Variants in CDKL3 observed in about 807,000 individuals in gnomAD.
The protein encoded by CDKL3 is cyclin dependent kinase like 3, also known as cyclin-dependent kinase-like 3.
CDKL3 carries 65 observed loss-of-function variants against 69.3 expected under a neutral mutation model. The observed-to-expected ratio is 0.94, with a 90% CI of 0.77 to 1.15. CDKL3 has a LOEUF of 1.15. Ranked by LOEUF, CDKL3 falls within the 50% of genes most tolerant of loss-of-function variation. The probability of loss-of-function intolerance (pLI) is 0.00; values close to 1 mark genes in which losing one functional copy is unlikely to be tolerated. For missense variants in CDKL3, 652 were observed against 689.2 expected (o/e 0.95, Z 0.61); for synonymous variants, 202 against 221.6 (o/e 0.91, Z 0.79).
intron 12 of CDKL3, among the ~76,000 whole-genome samples, chr5:134,301,664 G>A (rs1448526594): frequency 6.6e-6 from 1 of 152,010 alleles, no homozygotes; most frequent in Non-Finnish European, 1.5e-5. Context: ...GGTGGATCAC[G>A]AGGTCAGGAG....
chr5:134,308,324 G>A lies in CDKL3; in HGVS notation c.1178C>T (p.Pro393Leu). 6.2e-7 allele frequency: 1 copy of A among 1,613,910 alleles called. No individual in the cohort carries two copies. The highest frequency in any genetic ancestry group is 8.5e-7 in the Non-Finnish European group (1 of 1,179,858). The change falls in exon 9 of 13, where the codon CCT becomes CTT. Residue 393 changes from proline (P) to leucine (L), a missense_variant. Pro to Leu is a moderately conservative substitution (Grantham distance 98, BLOSUM62 -3). Transcript: ENST00000265334. ...TACAAGTTTTGTATCTGGAGACATA[G>A]GATGAACATTTTCATTTGCATCCTG... ...GQQDANENVH[P>L]MSPDTKLVTI... is the part of the protein sequence containing the mutation.
At chr5:134,371,484 G>T, upstream of CDKL3, 1 of 1,376,748 alleles carries the variant, frequency 7.3e-7, no homozygotes, top group Non-Finnish European at 9.9e-7. Context: ...CGGCGGCGGC[G>T]GCGGCGGCGG....
At chr5:134,338,904 A>T (rs1383770656) in intron 4 of CDKL3, among the ~76,000 whole-genome samples, 1 of 152,200 alleles carries the variant, frequency 6.6e-6, no homozygotes, top group Non-Finnish European at 1.5e-5. Context: ...CTGTATTCCC[A>T]GAGCTTTGGT....
intron 9 of CDKL3, 103 bp from the exon 10 acceptor site, chr5:134,306,805 A>T: frequency 4.9e-6 from 3 of 616,360 alleles, no homozygotes; most frequent in Middle Eastern, 4.6e-4. Context: ...CCCAGGCTGG[A>T]GTGCAGTGTC....
intron 6 of CDKL3, among the ~76,000 whole-genome samples, chr5:134,313,967 G>A (rs564621250): frequency 7.3e-5 from 11 of 151,504 alleles, no homozygotes; most frequent in South Asian, 4.2e-4. Context: ...GAGAAACTCC[G>A]TCCCCACTAA....
chr5:134,322,413 T>C (rs568702434), intron 4 of CDKL3, among the ~76,000 whole-genome samples: 1 of 152,348 alleles, frequency 6.6e-6, no homozygotes, highest in Admixed American at 6.5e-5. Flanking sequence ...AGTACTGTTC[T>C]GGGAGTGTAA....
intron 1 of CDKL3, 106 bp downstream of exon 1, chr5:134,366,871 A>G: frequency 9.9e-7 from 1 of 1,006,422 alleles, no homozygotes; most frequent in Non-Finnish European, 1.2e-6. Context: ...TTCCTGTCAA[A>G]TAATAGGTTC....
At chr5:134,301,645 G>A (rs957337210) in intron 12 of CDKL3, among the ~76,000 whole-genome samples, 1 of 152,058 alleles carries the variant, frequency 6.6e-6, no homozygotes, top group Non-Finnish European at 1.5e-5. Context: ...ACTTTGGGAG[G>A]CCCAGGCGGG....
intron 8 of CDKL3, among the ~76,000 whole-genome samples, chr5:134,292,400 G>A (rs139452388): frequency 1.3e-5 from 2 of 151,960 alleles, no homozygotes; most frequent in Non-Finnish European, 2.9e-5. Context: ...AAAGAAAGTT[G>A]GGAAATACTT....
intron 6 of CDKL3, 62 bp downstream of exon 6, chr5:134,319,296 C>G: frequency 7.4e-7 from 1 of 1,344,822 alleles, no homozygotes; most frequent in African/African-American, 1.5e-5. Flanking sequence ...CTCCACTGCA[C>G]TACAGCCTGG....
chr5:134,296,530 G>A (rs956780808), downstream of CDKL3, among the ~76,000 whole-genome samples: 29 of 152,136 alleles, frequency 1.9e-4, no homozygotes, highest in South Asian at 4.1e-4. Flanking sequence ...GGGACTTCAA[G>A]CATTAAGATG....
intron 4 of CDKL3, among the ~76,000 whole-genome samples, chr5:134,345,089 C>T (rs891191402): frequency 6.6e-6 from 1 of 151,488 alleles, no homozygotes; most frequent in African/African-American, 2.4e-5. Context: ...AAATAAAAAT[C>T]TATAAAGATA....
upstream of CDKL3, among the ~76,000 whole-genome samples, chr5:134,369,162 G>C (rs990558664): frequency 4.6e-5 from 7 of 152,182 alleles, no homozygotes; most frequent in African/African-American, 1.7e-4. Context: ...CTACAAGTAG[G>C]TTATGGCAGG....
chr5:134,288,693 G>A (rs1764986584), intron 8 of CDKL3, among the ~76,000 whole-genome samples: 1 of 152,162 alleles, frequency 6.6e-6, no homozygotes, highest in Non-Finnish European at 1.5e-5. Flanking sequence ...GAGACCCAGT[G>A]AACTACTAAA....
chr5:134,296,952 CTTTTTTTTTTT>C (rs111349325), downstream of CDKL3, among the ~76,000 whole-genome samples: 1 of 131,302 alleles, frequency 7.6e-6, no homozygotes, highest in Non-Finnish European at 1.6e-5. Flanking sequence ...CTTTTCTTTT[CTTTTTTTTTTT>C]TTTTTTGAGA....
intron 3 of CDKL3, among the ~76,000 whole-genome samples, chr5:134,354,612 G>T (rs1423406415): frequency 6.6e-6 from 1 of 152,092 alleles, no homozygotes; most frequent in African/African-American, 2.4e-5. Flanking sequence ...AAGACCTAAG[G>T]ATATAATGTG....
chr5:134,328,280 C>T (rs540437136), intron 4 of CDKL3, among the ~76,000 whole-genome samples: 1 of 152,218 alleles, frequency 6.6e-6, no homozygotes, highest in East Asian at 1.9e-4. Context: ...AAAGGTATGA[C>T]AGTGTCACAT....
At chr5:134,319,761 A>C (rs1354071217) in intron 5 of CDKL3, among the ~76,000 whole-genome samples, 1 of 152,216 alleles carries the variant, frequency 6.6e-6, no homozygotes, top group East Asian at 1.9e-4. Flanking sequence ...AAACTATAAG[A>C]CATAATATGT....
At chr5:134,321,769 A>C (rs771650637) in intron 5 of CDKL3, 22 bp downstream of exon 5, 1 of 1,199,854 alleles carries the variant, frequency 8.3e-7, no homozygotes, top group Non-Finnish European at 1.2e-6. Flanking sequence ...CATGTAACTC[A>C]TGTTATTTCA....
Sources: allele counts gnomAD v4.1 joint callset (sites outside exome capture counted in the v4.1 genomes callset), GRCh38; gene constraint gnomAD v4.1.1; transcripts MANE v1.5; gene names NCBI Gene and HGNC (gene_info 2026-07-23, HGNC 2026-07-21).